The following MKX variants were observed in gnomAD, a reference collection of about 807,000 sequenced individuals.
MKX encodes the protein homeobox protein Mohawk.
MKX carries 13 observed loss-of-function variants against 36.0 expected under a neutral mutation model. The ratio of observed to expected loss-of-function variants is 0.36; its 90% CI spans 0.24 to 0.57. The LOEUF (loss-of-function observed/expected upper bound fraction) is 0.57. MKX is among the 20% of genes least tolerant of loss of function. The probability of loss-of-function intolerance (pLI) is 0.79; values close to 1 mark genes in which losing one functional copy is unlikely to be tolerated. For missense variants in MKX, 458 were observed against 456.4 expected (o/e 1.00, Z -0.03); for synonymous variants, 176 against 178.3 (o/e 0.99, Z 0.10).
In MKX at chr10:27,679,833, T is replaced by C. The variant is rs140592081; in HGVS notation, c.839-4279A>G. Among the ~76,000 whole-genome samples, 522 of 152,306 alleles carry C rather than the reference T, an allele frequency of 3.4e-3. 1 individual carries two copies. The highest frequency in any genetic ancestry group is 5.8e-3 in the Non-Finnish European group (395 of 68,018). On this transcript the variant is annotated intron_variant, in intron 5 of 6. Transcript: ENST00000419761. ...GTTGTAATTTTTTTTTCTTATGCTC[T>C]TTCCCTTTGAAGTAAAAACTTATCA...
At chr10:27,723,009 G>A (rs1834413810) in intron 5 of MKX, among the ~76,000 whole-genome samples, 1 of 152,108 alleles carries the variant, frequency 6.6e-6, no homozygotes, top group Non-Finnish European at 1.5e-5. Flanking sequence ...TTTTCCTAAT[G>A]AGAGGAAAGT....
chr10:27,695,373 C>T (rs781448293), intron 5 of MKX, among the ~76,000 whole-genome samples: 5 of 151,750 alleles, frequency 3.3e-5, no homozygotes, highest in Admixed American at 6.6e-5. Flanking sequence ...TTAATTACAC[C>T]GCCCACAGTA....
chr10:27,709,371 T>A (rs1167133106), intron 5 of MKX, among the ~76,000 whole-genome samples: 1 of 152,190 alleles, frequency 6.6e-6, no homozygotes, highest in Non-Finnish European at 1.5e-5. Context: ...TATGCCATTT[T>A]ACATAAGAGA....
chr10:27,685,196 A>G (rs1281287069), intron 5 of MKX, among the ~76,000 whole-genome samples: 1 of 150,718 alleles, frequency 6.6e-6, no homozygotes, highest in Non-Finnish European at 1.5e-5. Flanking sequence ...CTGTCAATAA[A>G]GCCACCTGCA....
intron 5 of MKX, among the ~76,000 whole-genome samples, chr10:27,709,481 T>C (rs565336892): frequency 2.6e-4 from 39 of 152,240 alleles, no homozygotes; most frequent in African/African-American, 8.4e-4. Flanking sequence ...TGTAGGGTAG[T>C]CAACATTTAA....
intron 5 of MKX, among the ~76,000 whole-genome samples, chr10:27,720,688 CATT>C (rs1306288509): frequency 2.0e-5 from 3 of 152,054 alleles, no homozygotes; most frequent in African/African-American, 7.2e-5. Flanking sequence ...CTTCTGCAAA[CATT>C]ATACTCTATG....
chr10:27,737,296 C>A (rs1195655839), intron 3 of MKX, among the ~76,000 whole-genome samples: 2 of 152,138 alleles, frequency 1.3e-5, no homozygotes, highest in African/African-American at 4.8e-5. Flanking sequence ...GTCTTCCATT[C>A]TGTTCTCTTA....
chr10:27,686,958 C>A (rs545331751), intron 5 of MKX, among the ~76,000 whole-genome samples: 8 of 152,036 alleles, frequency 5.3e-5, no homozygotes, highest in African/African-American at 1.9e-4. Flanking sequence ...AATGCATAGT[C>A]CCCCCAACTA....
chr10:27,722,362 G>A (rs971729329), intron 5 of MKX, among the ~76,000 whole-genome samples: 4 of 152,120 alleles, frequency 2.6e-5, no homozygotes, highest in African/African-American at 9.7e-5. Context: ...GAGACATTGC[G>A]GTGTGCATTT....
chr10:27,682,716 C>G (rs1443777634), intron 5 of MKX, among the ~76,000 whole-genome samples: 3 of 151,902 alleles, frequency 2.0e-5, no homozygotes, highest in Non-Finnish European at 1.5e-5. Context: ...CGCAGTGGCT[C>G]GTGCTTATAA....
intron 5 of MKX, among the ~76,000 whole-genome samples, chr10:27,714,621 C>T (rs890873190): frequency 7.2e-5 from 11 of 152,086 alleles, no homozygotes; most frequent in African/African-American, 2.7e-4. Context: ...TTTTAATAGC[C>T]GTTACTGCCG....
chr10:27,741,338 T>C lies in MKX; in HGVS notation c.348+7A>G. 1.2e-6 allele frequency: 2 copies of C among 1,612,322 alleles called. No homozygotes were observed. The highest frequency in any genetic ancestry group is 1.7e-6 in the Non-Finnish European group (2 of 1,179,294). On this transcript the variant is annotated splice_region_variant and intron_variant, in intron 3 of 6. Coordinates refer to ENST00000419761, the MANE Select transcript of MKX (RefSeq NM_173576.3). This position sits in a 1 kb window ranked among gnomAD's most constrained non-coding sequence, Gnocchi z 5.1. ...AACGGATCAGGGTGTTAATGGGTCC[T>C]GATTACCTGCACTAGCGTCATCTGC...
chr10:27,701,696 T>C (rs1030441476), intron 5 of MKX, among the ~76,000 whole-genome samples: 3 of 145,330 alleles, frequency 2.1e-5, no homozygotes, highest in African/African-American at 7.5e-5. Context: ...TATATTAATT[T>C]ATATTTATAT....
intron 5 of MKX, among the ~76,000 whole-genome samples, chr10:27,733,106 A>G (rs1265212035): frequency 6.6e-6 from 1 of 152,026 alleles, no homozygotes; most frequent in Admixed American, 6.6e-5. Flanking sequence ...AGACCCAATT[A>G]TTATTTACAA....
At chr10:27,716,728 T>C (rs1836972098) in intron 5 of MKX, among the ~76,000 whole-genome samples, 1 of 152,206 alleles carries the variant, frequency 6.6e-6, no homozygotes, top group Non-Finnish European at 1.5e-5. Context: ...GTTAATTGTC[T>C]AAACATTTGT....
chr10:27,675,567 GC>G lies in MKX; in HGVS notation c.839-14del, dbSNP rs1467606474. On this transcript the variant is annotated splice_polypyrimidine_tract_variant and intron_variant, in intron 5 of 6. Transcript: ENST00000419761. ...TTTTCCAGAGTGTCTGTAAAGAAAA[GC>G]AAAAATTCAATTATTTTTATGTTTT... The G allele has an allele frequency of 6.2e-7, 1 of 1,611,448 alleles. No homozygotes were observed. Among genetic ancestry groups the G allele is most frequent in the Non-Finnish European group, 8.5e-7 (1 of 1,178,824 alleles).
chr10:27,741,897 T>C lies in MKX; in HGVS notation c.189-393A>G, dbSNP rs574784571. Among the ~76,000 whole-genome samples, 201 of 152,304 alleles carry C rather than the reference T, an allele frequency of 1.3e-3. 2 individuals carry two copies. Among genetic ancestry groups the C allele is most frequent in the African/African-American group, 4.6e-3 (191 of 41,580 alleles). On this transcript the variant is annotated intron_variant, in intron 2 of 6. Coordinates refer to ENST00000419761, the MANE Select transcript of MKX (RefSeq NM_173576.3). This position sits in a 1 kb window ranked among gnomAD's most constrained non-coding sequence, Gnocchi z 5.1. ...CTGGCCTGGCAGGCCTGGCAGGGTA[T>C]GCGGCTGGCTCTCGAAACTTCCCTC...
intron 5 of MKX, among the ~76,000 whole-genome samples, chr10:27,691,535 C>A (rs917968276): frequency 4.6e-5 from 7 of 152,000 alleles, no homozygotes; most frequent in African/African-American, 1.5e-4. Context: ...TCGAATGAAC[C>A]AAGATTTTTT....
chr10:27,734,503 A>C lies in MKX; in HGVS notation c.791T>G (p.Val264Gly), dbSNP rs371872351. The stretch of plus-strand genomic sequence containing the variant: ...TTCAGTTTCTGATGACGATGGAGAC[A>C]CTAATTCTTCCTCAAATTCATTGGA... ...FSSNEFEEEL[V>G]SPSSSETEGN... Residue 264 changes from valine to glycine, a missense_variant, in exon 5 of 7, where the codon GTG becomes GGG. Coordinates refer to ENST00000419761, the MANE Select transcript of MKX (RefSeq NM_173576.3). 21 of 1,614,120 alleles carry C rather than the reference A, an allele frequency of 1.3e-5. No individual in the cohort carries two copies. Among genetic ancestry groups the C allele is most frequent in the Non-Finnish European group, 3.4e-6 (4 of 1,180,044 alleles).
Sources: gnomAD v4.1 joint callset for allele counts (sites outside exome capture counted in the v4.1 genomes callset) on GRCh38, gnomAD v4.1.1 for gene constraint, Gnocchi (gnomAD v3.1) non-coding constraint, MANE v1.5 for transcripts, NCBI Gene and HGNC (gene_info 2026-07-23, HGNC 2026-07-21) for gene names.